Variants in DHRSX observed in about 807,000 individuals in gnomAD.
The protein encoded by DHRSX is dehydrogenase/reductase X-linked.
A neutral mutation model predicts 34.0 loss-of-function variants in DHRSX; 31 were observed. The ratio of observed to expected loss-of-function variants is 0.91; its 90% CI spans 0.69 to 1.23. The LOEUF (loss-of-function observed/expected upper bound fraction) is 1.23, where lower values mean the gene tolerates loss of function less well. DHRSX is among the 50% of genes most tolerant of loss of function. The pLI is 0.00. For missense variants in DHRSX, 414 were observed against 428.1 expected (o/e 0.97, Z 0.29); for synonymous variants, 201 against 183.8 (o/e 1.09, Z -0.76).
chrX:2,434,906 T>C (rs1299004166), intron 1 of DHRSX, among the ~76,000 whole-genome samples: 1 of 152,174 alleles, frequency 6.6e-6, no homozygotes. Flanking sequence ...ACAACTTGGA[T>C]GGCTCTCCAG....
intron 3 of DHRSX, among the ~76,000 whole-genome samples, chrX:2,348,406 G>C (rs1214085214): frequency 6.6e-6 from 1 of 152,156 alleles, no homozygotes; most frequent in Non-Finnish European, 1.5e-5. Flanking sequence ...TCTCTGGATG[G>C]GGTCAGTCCC....
At chrX:2,325,830 C>G (rs1482367041) in intron 3 of DHRSX, among the ~76,000 whole-genome samples, 1 of 133,990 alleles carries the variant, frequency 7.5e-6, no homozygotes, top group Non-Finnish European at 1.6e-5. Flanking sequence ...ACCCCTTTCT[C>G]TATAGAGAAA....
At chrX:2,282,360 AG>A (rs897804721) in intron 4 of DHRSX, among the ~76,000 whole-genome samples, 2 of 128,030 alleles carry the variant, frequency 1.6e-5, no homozygotes, top group African/African-American at 7.1e-5. Context: ...AGAGAAGGAG[AG>A]GGAGGAAATA....
chrX:2,260,324 G>C (rs748938845), intron 5 of DHRSX, among the ~76,000 whole-genome samples: 1 of 151,146 alleles, frequency 6.6e-6, no homozygotes, highest in Non-Finnish European at 1.5e-5. Context: ...TGGAGGGGAG[G>C]GTCCTTCCTG....
chrX:2,353,113 C>T (rs1397687620), intron 3 of DHRSX, among the ~76,000 whole-genome samples: 1 of 152,102 alleles, frequency 6.6e-6, no homozygotes, highest in African/African-American at 2.4e-5. Flanking sequence ...GGCATGGTAG[C>T]ACGTGCCTAC....
At chrX:2,484,266 C>G (rs2044824241) in intron 1 of DHRSX, among the ~76,000 whole-genome samples, 1 of 152,206 alleles carries the variant, frequency 6.6e-6, no homozygotes, top group African/African-American at 2.4e-5. Flanking sequence ...AGCCACCACA[C>G]CCAGCAATGG....
At chrX:2,242,640 G>A (rs1351986556) in intron 6 of DHRSX, among the ~76,000 whole-genome samples, 3 of 152,024 alleles carry the variant, frequency 2.0e-5, no homozygotes, top group Admixed American at 6.6e-5. Context: ...GCAAAATGGC[G>A]ACAAGAGTGA....
At chrX:2,384,951 AT>A (rs199794226) in intron 3 of DHRSX, among the ~76,000 whole-genome samples, 9,130 of 148,112 alleles carry the variant, frequency 0.062, 378 homozygotes, top group South Asian at 0.13. Flanking sequence ...AGAAAAAAAA[AT>A]ATATATATAT....
chrX:2,396,624 C>T (rs190049867), intron 3 of DHRSX, among the ~76,000 whole-genome samples: 2 of 151,806 alleles, frequency 1.3e-5, no homozygotes, highest in African/African-American at 2.4e-5. Flanking sequence ...GCAATCCACC[C>T]GCCTTGGCCT....
intron 5 of DHRSX, among the ~76,000 whole-genome samples, chrX:2,246,544 AC>A (rs1469456101): frequency 6.6e-6 from 1 of 151,580 alleles, no homozygotes; most frequent in African/African-American, 2.4e-5. Context: ...AATCACTTGA[AC>A]CCGGGAGGTG....
intron 2 of DHRSX, 127 bp from the exon 3 acceptor site, chrX:2,408,940 T>C (rs1229582587): frequency 1.0e-5 from 8 of 800,436 alleles, no homozygotes; most frequent in Non-Finnish European, 1.6e-5. Flanking sequence ...TGATGGACTT[T>C]CCCTTTATCC....
At chrX:2,284,133 T>C (rs2041772975) in intron 4 of DHRSX, among the ~76,000 whole-genome samples, 4 of 152,250 alleles carry the variant, frequency 2.6e-5, no homozygotes, top group Non-Finnish European at 5.9e-5. Flanking sequence ...GATTCACTCA[T>C]TTGAATTCAT....
At chrX:2,292,523 T>C (rs2041878974) in intron 3 of DHRSX, among the ~76,000 whole-genome samples, 1 of 152,040 alleles carries the variant, frequency 6.6e-6, no homozygotes, top group African/African-American at 2.4e-5. Context: ...CATATGTAAC[T>C]GATACACAAA....
intron 5 of DHRSX, among the ~76,000 whole-genome samples, chrX:2,245,875 T>C (rs1356130274): frequency 6.7e-6 from 1 of 150,156 alleles, no homozygotes; most frequent in Non-Finnish European, 1.5e-5. Context: ...GGCAGGATAA[T>C]TGCTTGAACC....
intron 4 of DHRSX, among the ~76,000 whole-genome samples, chrX:2,290,078 C>A (rs1327874027): frequency 6.6e-6 from 1 of 152,184 alleles, no homozygotes; most frequent in African/African-American, 2.4e-5. Context: ...AATACATATG[C>A]ACTCACACAT....
At chrX:2,391,465 A>C (rs911567709) in intron 3 of DHRSX, among the ~76,000 whole-genome samples, 25 of 152,168 alleles carry the variant, frequency 1.6e-4, no homozygotes, top group Admixed American at 5.2e-4. Context: ...GCCCTTTCCC[A>C]GGAGGAGCCA....
intron 6 of DHRSX, among the ~76,000 whole-genome samples, chrX:2,226,091 G>T (rs1313045049): frequency 6.6e-6 from 1 of 152,122 alleles, no homozygotes; most frequent in Non-Finnish European, 1.5e-5. Flanking sequence ...ATCAGTGTCT[G>T]TTGTCTAAGC....
At chrX:2,431,746 G>C (rs1003506250) in intron 1 of DHRSX, among the ~76,000 whole-genome samples, 1 of 152,128 alleles carries the variant, frequency 6.6e-6, no homozygotes, top group Non-Finnish European at 1.5e-5. Flanking sequence ...TAAACACTGA[G>C]CAATTCAATG....
chrX:2,498,622 T>TG (rs1235804804), intron 1 of DHRSX, among the ~76,000 whole-genome samples: 5 of 86,066 alleles, frequency 5.8e-5, no homozygotes, highest in Non-Finnish European at 7.4e-5. Flanking sequence ...AATCAGTAAA[T>TG]GGGAAAAAAA....
Sources: allele counts gnomAD v4.1 joint callset (sites outside exome capture counted in the v4.1 genomes callset), GRCh38; gene constraint gnomAD v4.1.1; transcripts MANE v1.5; gene names NCBI Gene and HGNC (gene_info 2026-07-23, HGNC 2026-07-21).